SOX6: variants seen among roughly 807,000 people sequenced by gnomAD.
The protein encoded by SOX6 is SRY-box transcription factor 6.
Under a neutral mutation model 97.8 loss-of-function variants are expected in SOX6, and 11 were observed. The ratio of observed to expected loss-of-function variants is 0.11; its 90% CI spans 0.07 to 0.19. The LOEUF is 0.19. Among genes scored for constraint, SOX6 ranks in the 10% least tolerant of loss-of-function variants. SOX6 has a pLI of 1.00. For missense variants in SOX6, 810 were observed against 1,039.5 expected (o/e 0.78, Z 3.04); for synonymous variants, 360 against 371.4 (o/e 0.97, Z 0.35).
At chr11:16,720,154 A>AACT (rs1848249135) in intron 2 of SOX6, among the ~76,000 whole-genome samples, 2 of 151,948 alleles carry the variant, frequency 1.3e-5, no homozygotes, top group Non-Finnish European at 2.9e-5. Context: ...AGGGATCTAG[A>AACT]ACTAGAAATA....
intron 3 of SOX6, among the ~76,000 whole-genome samples, chr11:16,686,258 C>G (rs776986792): frequency 1.3e-5 from 2 of 152,252 alleles, no homozygotes; most frequent in African/African-American, 2.4e-5. Flanking sequence ...CCCAAAAAAT[C>G]TTTTTCTTTC....
intron 7 of SOX6, among the ~76,000 whole-genome samples, chr11:16,101,647 C>T (rs944380072): frequency 4.0e-5 from 6 of 151,580 alleles, no homozygotes; most frequent in Admixed American, 2.0e-4. Flanking sequence ...AATGAACTCA[C>T]ATAAATTCAT....
At chr11:16,028,342 T>C (rs1297570407) in intron 12 of SOX6, among the ~76,000 whole-genome samples, 1 of 152,204 alleles carries the variant, frequency 6.6e-6, no homozygotes, top group African/African-American at 2.4e-5. Context: ...CATAAGCATA[T>C]GCATAGATCC....
At chr11:16,279,059 G>A (rs1029504285) in intron 3 of SOX6, among the ~76,000 whole-genome samples, 2 of 152,140 alleles carry the variant, frequency 1.3e-5, no homozygotes, top group Non-Finnish European at 2.9e-5. Flanking sequence ...TGTCTACAAC[G>A]AAACTGCAGG....
At chr11:16,071,329 G>T (rs984966439) in intron 9 of SOX6, among the ~76,000 whole-genome samples, 2 of 152,202 alleles carry the variant, frequency 1.3e-5, no homozygotes, top group Non-Finnish European at 2.9e-5. Context: ...GGCAACACCT[G>T]CTAGAGATTC....
chr11:16,166,941 T>C (rs1054594782), intron 6 of SOX6, among the ~76,000 whole-genome samples: 2 of 152,148 alleles, frequency 1.3e-5, no homozygotes, highest in Non-Finnish European at 2.9e-5. Flanking sequence ...AGGAACCATG[T>C]TATGGAGGGC....
intron 6 of SOX6, among the ~76,000 whole-genome samples, chr11:16,152,917 AG>A (rs1188369902): frequency 3.3e-5 from 5 of 151,868 alleles, no homozygotes; most frequent in Admixed American, 2.0e-4. Context: ...GCCAGGCTTG[AG>A]TGCAGTGGCG....
chr11:16,009,488 G>A (rs1289059341), intron 13 of SOX6, among the ~76,000 whole-genome samples: 1 of 152,092 alleles, frequency 6.6e-6, no homozygotes, highest in Middle Eastern at 3.2e-3. Flanking sequence ...GTAGGGTCTA[G>A]AAGTCAGACT....
At chr11:16,653,612 G>A (rs1310193340) in intron 3 of SOX6, among the ~76,000 whole-genome samples, 1 of 152,126 alleles carries the variant, frequency 6.6e-6, no homozygotes, top group Non-Finnish European at 1.5e-5. Flanking sequence ...GGACTTTGGG[G>A]ACTAGGGGAA....
chr11:16,365,100 G>A (rs924381972), intron 1 of SOX6, among the ~76,000 whole-genome samples: 5 of 151,910 alleles, frequency 3.3e-5, no homozygotes, highest in African/African-American at 1.2e-4. Context: ...ATAGTATATT[G>A]TTATATTGTT....
intron 15 of SOX6, among the ~76,000 whole-genome samples, chr11:15,982,044 T>A (rs905338654): frequency 3.3e-5 from 5 of 151,928 alleles, no homozygotes; most frequent in Non-Finnish European, 7.4e-5. Context: ...AAGATTGCCA[T>A]GTATTAGTTC....
At chr11:16,188,000 C>T (rs1176603056) in intron 4 of SOX6, among the ~76,000 whole-genome samples, 1 of 152,096 alleles carries the variant, frequency 6.6e-6, no homozygotes, top group African/African-American at 2.4e-5. Context: ...AGACTTCCAA[C>T]CTCCTTATGA....
intron 1 of SOX6, among the ~76,000 whole-genome samples, chr11:16,449,976 A>G (rs1278905709): frequency 6.6e-6 from 1 of 152,156 alleles, no homozygotes; most frequent in African/African-American, 2.4e-5. Flanking sequence ...GCCACATTAT[A>G]TAGTAAATGG....
chr11:16,335,442 A>G (rs2134331060), intron 2 of SOX6, among the ~76,000 whole-genome samples: 1 of 152,314 alleles, frequency 6.6e-6, no homozygotes, highest in East Asian at 1.9e-4. Flanking sequence ...AGGAGTTATG[A>G]CTATGACTAT....
intron 4 of SOX6, among the ~76,000 whole-genome samples, chr11:16,199,111 A>G (rs911590744): frequency 6.6e-6 from 1 of 152,182 alleles, no homozygotes; most frequent in Non-Finnish European, 1.5e-5. Flanking sequence ...ATAGACGGCC[A>G]AAGAAATTAA....
intron 6 of SOX6, among the ~76,000 whole-genome samples, chr11:16,112,498 A>G (rs957149740): frequency 2.6e-5 from 4 of 152,122 alleles, no homozygotes; most frequent in African/African-American, 9.7e-5. Flanking sequence ...TTTGCCATAC[A>G]CACCTCGATG....
chr11:16,614,306 G>T (rs966411944), intron 3 of SOX6, among the ~76,000 whole-genome samples: 1 of 152,108 alleles, frequency 6.6e-6, no homozygotes, highest in African/African-American at 2.4e-5. Context: ...TCCACCTTCG[G>T]AACAGTAGAC....
intron 4 of SOX6, among the ~76,000 whole-genome samples, chr11:16,221,880 G>A (rs1386921096): frequency 6.6e-6 from 1 of 152,084 alleles, no homozygotes; most frequent in African/African-American, 2.4e-5. Context: ...CAAAGTTAAG[G>A]TTAAACCAAT....
intron 2 of SOX6, among the ~76,000 whole-genome samples, chr11:16,322,465 A>G (rs1272687569): frequency 6.6e-6 from 1 of 152,182 alleles, no homozygotes; most frequent in East Asian, 1.9e-4. Context: ...ACCATGAGCT[A>G]TTAAACCTCT....
Sources: allele counts gnomAD v4.1 joint callset (sites outside exome capture counted in the v4.1 genomes callset), GRCh38; gene constraint gnomAD v4.1.1; transcripts MANE v1.5; gene names NCBI Gene and HGNC (gene_info 2026-07-23, HGNC 2026-07-21).